Variants in RNF17 observed in about 807,000 individuals in gnomAD.
RNF17 encodes the protein spermatogenesis associated 23.
In RNF17, 31 loss-of-function variants were observed where a neutral mutation model predicts 200.5. The observed-to-expected ratio is 0.15, with a 90% CI of 0.12 to 0.21. The LOEUF is 0.21. RNF17 is among the 10% of genes least tolerant of loss of function. The probability of loss-of-function intolerance (pLI) is 1.00; values close to 1 mark genes in which losing one functional copy is unlikely to be tolerated. For synonymous variants in RNF17, 606 were observed against 637.8 expected (o/e 0.95, Z 0.75); for missense variants, 1,628 against 1,905.1 (o/e 0.85, Z 2.71).
intron 28 of RNF17, among the ~76,000 whole-genome samples, chr13:24,864,483 G>A (rs191619866): frequency 8.7e-4 from 132 of 152,176 alleles, no homozygotes; most frequent in African/African-American, 2.9e-3. Context: ...AGACTGTTTC[G>A]AGTCCCACCA....
chr13:24,858,263 C>A (rs929746181), intron 25 of RNF17, among the ~76,000 whole-genome samples: 1 of 152,100 alleles, frequency 6.6e-6, no homozygotes, highest in Non-Finnish European at 1.5e-5. Flanking sequence ...ACGTTTGAGA[C>A]CTGTAGTAAT....
At chr13:24,822,014 G>A (rs994174121) in intron 15 of RNF17, among the ~76,000 whole-genome samples, 14 of 152,192 alleles carry the variant, frequency 9.2e-5, no homozygotes, top group African/African-American at 3.1e-4. Flanking sequence ...TTCTGAAAGG[G>A]AAAGACTGGC....
At chr13:24,888,222 G>A in the RNF17 span, among the ~76,000 whole-genome samples, 1 of 151,842 alleles carries the variant, frequency 6.6e-6, no homozygotes, top group Non-Finnish European at 1.5e-5. Flanking sequence ...TATTTTAAAA[G>A]ACTAGTAAAT....
chr13:24,855,984 C>A (rs759513801), intron 25 of RNF17, among the ~76,000 whole-genome samples: 3 of 152,140 alleles, frequency 2.0e-5, no homozygotes, highest in Non-Finnish European at 2.9e-5. Flanking sequence ...ACACTTATCC[C>A]TTCTTGGTTT....
At chr13:24,882,133 G>GATATATACATCTAT (rs1327520593), downstream of RNF17, among the ~76,000 whole-genome samples, 40 of 3,044 alleles carry the variant, frequency 0.013, 18 homozygotes, top group African/African-American at 0.023. Context: ...CATCTATATA[G>GATATATACATCTAT]ATAGATACAT....
At chr13:24,755,533 T>C in the RNF17 span, among the ~76,000 whole-genome samples, 1 of 152,244 alleles carries the variant, frequency 6.6e-6, no homozygotes, top group African/African-American at 2.4e-5. Context: ...ATTACATCGA[T>C]GATCCTTCTG....
At chr13:24,807,026 A>T (rs974398955) in intron 15 of RNF17, among the ~76,000 whole-genome samples, 1 of 151,420 alleles carries the variant, frequency 6.6e-6, no homozygotes, top group African/African-American at 2.4e-5. Flanking sequence ...TGTGTGCCAC[A>T]TTTTCTTAAT....
Position 24,827,650 on chromosome 13 carries a change from C to T in RNF17, c.2245+1878C>T, listed in dbSNP as rs564472063. On this transcript the variant is annotated intron_variant, in intron 16 of 35. Transcript: ENST00000255324. ...CCGGGAGGCGGAGCTTGCAGTGAGCCGAGATCCCGCCACTGCACTCCAGCC... is the reference window on the plus strand; with the variant it reads ...CCGGGAGGCGGAGCTTGCAGTGAGCTGAGATCCCGCCACTGCACTCCAGCC... 9.2e-4 allele frequency among the ~76,000 whole-genome samples: 117 copies of T among 127,592 alleles called. 1 individual carries two copies. The highest frequency in any genetic ancestry group is 3.0e-3 in the African/African-American group (101 of 33,906). The allele number at this position is 127,592 out of a possible 152,430, so 83.7% of individuals were successfully genotyped here.
In RNF17 at chr13:24,786,388, C is replaced by T. The variant is rs79524222; in HGVS notation, c.612-1600C>T. Among the ~76,000 whole-genome samples the T allele has an allele frequency of 5.3e-3, 813 of 152,174 alleles. 21 individuals carry two copies. The East Asian group carries it at 0.081, about 15-fold the overall frequency. ...CCTGTTAAGATAGATTGATATTTTA[C>T]GTATTTGTCCTTTAAATTCTGTAGA... On this transcript the variant is annotated intron_variant, in intron 6 of 35. Transcript: ENST00000255324.
At chr13:24,756,810 C>T in the RNF17 span, among the ~76,000 whole-genome samples, 2 of 152,208 alleles carry the variant, frequency 1.3e-5, no homozygotes, top group Non-Finnish European at 2.9e-5. Flanking sequence ...ATATGTAACA[C>T]TGTTCTGCCA....
At chr13:24,748,003 G>A in the RNF17 span, among the ~76,000 whole-genome samples, 1 of 152,248 alleles carries the variant, frequency 6.6e-6, no homozygotes, top group Non-Finnish European at 1.5e-5. Flanking sequence ...CTGCTGCCGG[G>A]GCGGGGCTGC....
rs147551178 is a variant in RNF17 at position 24,814,782 on chromosome 13, G to T, written c.2091+10353G>T. On this transcript the variant is annotated intron_variant, in intron 15 of 35. Coordinates refer to ENST00000255324, the MANE Select transcript of RNF17 (RefSeq NM_031277.3). ...GTGTTGTAACTTTTGAAATCAAAACGTGTGAGTCTTCCAACTTTGTTCTTT... is the reference window on the plus strand; with the variant it reads ...GTGTTGTAACTTTTGAAATCAAAACTTGTGAGTCTTCCAACTTTGTTCTTT... Among the ~76,000 whole-genome samples, 4 of 152,206 alleles carry T rather than the reference G, an allele frequency of 2.6e-5. No individual in the cohort carries two copies. The East Asian group carries it at 7.7e-4, about 29-fold the overall frequency.
chr13:24,861,489 CAA>C (rs1893099979), intron 27 of RNF17, 102 bp downstream of exon 27: 1 of 802,882 alleles, frequency 1.2e-6, no homozygotes, highest in African/African-American at 1.9e-5. Context: ...TCAGTTGCAA[CAA>C]AAAAGTAATA....
intron 28 of RNF17, among the ~76,000 whole-genome samples, chr13:24,863,457 G>C (rs934196548): frequency 6.6e-6 from 1 of 152,138 alleles, no homozygotes; most frequent in African/African-American, 2.4e-5. Flanking sequence ...GGTAGGGGCC[G>C]GTTGGTGGGG....
intron 6 of RNF17, among the ~76,000 whole-genome samples, chr13:24,784,153 G>T (rs1882791949): frequency 6.6e-6 from 1 of 152,102 alleles, no homozygotes; most frequent in African/African-American, 2.4e-5. Context: ...TTTTAATGTG[G>T]TATGTTACAT....
chr13:24,794,930 C>T (rs1422758815), intron 10 of RNF17, among the ~76,000 whole-genome samples: 1 of 152,108 alleles, frequency 6.6e-6, no homozygotes, highest in Non-Finnish European at 1.5e-5. Flanking sequence ...GTCAGCTAGG[C>T]TGATCTCAAA....
chr13:24,871,650 T>A (rs912601398), intron 32 of RNF17, among the ~76,000 whole-genome samples: 1 of 141,858 alleles, frequency 7.0e-6, no homozygotes, highest in Non-Finnish European at 1.5e-5. Flanking sequence ...TTTTTTTTTT[T>A]GGAGATGAGT....
intron 3 of RNF17, among the ~76,000 whole-genome samples, chr13:24,776,920 A>T (rs1269570643): frequency 6.6e-6 from 1 of 152,164 alleles, no homozygotes; most frequent in African/African-American, 2.4e-5. Flanking sequence ...TCTTATCTAT[A>T]TATGTATAAT....
intron 26 of RNF17, among the ~76,000 whole-genome samples, chr13:24,860,877 A>G (rs1267910704): frequency 7.1e-6 from 1 of 140,014 alleles, no homozygotes; most frequent in Non-Finnish European, 1.6e-5. Context: ...AACTTTTCAG[A>G]TGTCTTTTTT....
Sources: gnomAD v4.1 joint callset for allele counts (sites outside exome capture counted in the v4.1 genomes callset) on GRCh38, gnomAD v4.1.1 for gene constraint, MANE v1.5 for transcripts, NCBI Gene and HGNC (gene_info 2026-07-23, HGNC 2026-07-21) for gene names.